The following HYAL4 variants were observed in gnomAD, a reference collection of about 807,000 sequenced individuals.
The protein encoded by HYAL4 is hyaluronidase-4.
In HYAL4, 37 loss-of-function variants were observed where a neutral mutation model predicts 35.2. The ratio of observed to expected loss-of-function variants is 1.05; its 90% CI spans 0.81 to 1.38. HYAL4 has a LOEUF of 1.38. HYAL4 is among the 40% of genes most tolerant of loss of function. The pLI, the probability that HYAL4 is intolerant of heterozygous loss-of-function variation, is 0.00. For missense variants in HYAL4, 572 were observed against 572.4 expected, an observed-to-expected ratio of 1.00 and a Z score of 0.01; for synonymous variants, 198 against 203.2, an observed-to-expected ratio of 0.97 and a Z score of 0.22.
the HYAL4 span, among the ~76,000 whole-genome samples, chr7:123,782,927 A>G: frequency 6.6e-6 from 1 of 152,100 alleles, no homozygotes; most frequent in Non-Finnish European, 1.5e-5. Flanking sequence ...GAATTTTTCA[A>G]TGCCAGGTTT....
the HYAL4 span, among the ~76,000 whole-genome samples, chr7:123,778,616 T>C: frequency 6.6e-6 from 1 of 152,128 alleles, no homozygotes; most frequent in South Asian, 2.1e-4. Context: ...ATGAATCTTT[T>C]GGCAGGAGCA....
At chr7:123,769,912 C>T in the HYAL4 span, among the ~76,000 whole-genome samples, 1 of 150,884 alleles carries the variant, frequency 6.6e-6, no homozygotes, top group African/African-American at 2.4e-5. Flanking sequence ...TTTCACAGAC[C>T]AGTGAAATTT....
chr7:123,773,962 TG>T, the HYAL4 span, among the ~76,000 whole-genome samples: 10,064 of 152,244 alleles, frequency 0.066, 423 homozygotes, highest in East Asian at 0.11. Flanking sequence ...TGCTAGGCAG[TG>T]GGGGGTCAAG....
At chr7:123,807,706 G>A in the HYAL4 span, among the ~76,000 whole-genome samples, 4,508 of 150,862 alleles carry the variant, frequency 0.03, 220 homozygotes, top group African/African-American at 0.1. Context: ...CTCTCAAGGT[G>A]CTCAGCCTCT....
the HYAL4 span, among the ~76,000 whole-genome samples, chr7:123,821,784 G>A: frequency 6.6e-6 from 1 of 152,148 alleles, no homozygotes; most frequent in Non-Finnish European, 1.5e-5. Flanking sequence ...TCGGTCTAAT[G>A]TTAAATAAGT....
At chr7:123,766,339 T>C in the HYAL4 span, among the ~76,000 whole-genome samples, 1 of 152,170 alleles carries the variant, frequency 6.6e-6, no homozygotes, top group Non-Finnish European at 1.5e-5. Context: ...GCACCAATAT[T>C]CTAAAGCCAC....
the HYAL4 span, among the ~76,000 whole-genome samples, chr7:123,772,413 T>C: frequency 2.0e-3 from 311 of 152,202 alleles, 4 homozygotes; most frequent in Middle Eastern, 0.027. Flanking sequence ...ATAATACCCA[T>C]ATACCTGAGA....
chr7:123,817,045 A>C, the HYAL4 span, among the ~76,000 whole-genome samples: 4 of 152,334 alleles, frequency 2.6e-5, no homozygotes, highest in Middle Eastern at 0.014. Flanking sequence ...AACGCAGGAA[A>C]GCTTACAGTG....
intron 2 of HYAL4, among the ~76,000 whole-genome samples, chr7:123,859,013 G>A (rs1584920608): frequency 1.3e-5 from 2 of 152,174 alleles, no homozygotes; most frequent in East Asian, 3.9e-4. Context: ...TAAAAACAAT[G>A]CCATAGACAT....
the HYAL4 span, among the ~76,000 whole-genome samples, chr7:123,802,208 T>G: frequency 6.6e-6 from 1 of 152,234 alleles, no homozygotes; most frequent in Non-Finnish European, 1.5e-5. Flanking sequence ...GGTTATTTTT[T>G]TGCTTCATAT....
chr7:123,862,118 G>T (rs1806588170), intron 2 of HYAL4, among the ~76,000 whole-genome samples: 1 of 152,120 alleles, frequency 6.6e-6, no homozygotes, highest in Admixed American at 6.6e-5. Flanking sequence ...TAGAAAATAG[G>T]TTGGCAATTA....
chr7:123,804,847 A>C, the HYAL4 span, among the ~76,000 whole-genome samples: 1 of 152,248 alleles, frequency 6.6e-6, no homozygotes, highest in Non-Finnish European at 1.5e-5. Context: ...GAAGTCCTTC[A>C]ATAGATCTTT....
chr7:123,861,806 CTG>C (rs1163684638), intron 2 of HYAL4, among the ~76,000 whole-genome samples: 1 of 152,072 alleles, frequency 6.6e-6, no homozygotes, highest in Non-Finnish European at 1.5e-5. Context: ...TGGAGGGACA[CTG>C]TGTTCTTTGA....
At chr7:123,869,608 A>G (rs1806809844) in intron 3 of HYAL4, among the ~76,000 whole-genome samples, 2 of 152,140 alleles carry the variant, frequency 1.3e-5, no homozygotes, top group Non-Finnish European at 2.9e-5. Flanking sequence ...GTTTGCTCAT[A>G]CATGTGGAAG....
chr7:123,874,697 G>T (rs896872901), intron 3 of HYAL4, 64 bp from the exon 4 acceptor site: 23 of 998,846 alleles, frequency 2.3e-5, no homozygotes, highest in African/African-American at 1.1e-4. Flanking sequence ...GAGCCACCGC[G>T]CCCAGCCCCT....
At chr7:123,773,371 T>C in the HYAL4 span, among the ~76,000 whole-genome samples, 1 of 152,328 alleles carries the variant, frequency 6.6e-6, no homozygotes, top group South Asian at 2.1e-4. Context: ...TAATAAGTAT[T>C]CTTTGTTATT....
intron 2 of HYAL4, among the ~76,000 whole-genome samples, chr7:123,864,918 T>C (rs969026575): frequency 6.6e-6 from 1 of 151,626 alleles, no homozygotes; most frequent in African/African-American, 2.4e-5. Context: ...ATTTTACTTA[T>C]TTATTTTGTC....
At chr7:123,856,885 A>G (rs566975241) in intron 2 of HYAL4, among the ~76,000 whole-genome samples, 1 of 152,132 alleles carries the variant, frequency 6.6e-6, no homozygotes, top group East Asian at 1.9e-4. Context: ...TGCCCTGCCC[A>G]GAGAGGAGGA....
At chr7:123,769,896 C>T in the HYAL4 span, among the ~76,000 whole-genome samples, 4 of 150,602 alleles carry the variant, frequency 2.7e-5, no homozygotes, top group Admixed American at 2.6e-4. Context: ...TATGAGGACT[C>T]GTGGATTTCA....
Sources: allele counts gnomAD v4.1 joint callset (sites outside exome capture counted in the v4.1 genomes callset), GRCh38; gene constraint gnomAD v4.1.1; transcripts MANE v1.5; gene names NCBI Gene and HGNC (gene_info 2026-07-23, HGNC 2026-07-21).